The following DTWD2 variants were observed in gnomAD, a reference collection of about 807,000 sequenced individuals.
DTWD2 encodes tRNA-uridine aminocarboxypropyltransferase 2.
Under a neutral mutation model 31.8 loss-of-function variants are expected in DTWD2, and 39 were observed. The ratio of observed to expected loss-of-function variants is 1.22; its 90% CI spans 0.95 to 1.60. The LOEUF (loss-of-function observed/expected upper bound fraction) is 1.60, where lower values mean the gene tolerates loss of function less well. Among genes scored for constraint, DTWD2 ranks in the 40% most tolerant of loss-of-function variants. DTWD2 has a pLI of 0.00. For missense variants in DTWD2, 515 were observed against 381.5 expected (o/e 1.35, Z -2.92); for synonymous variants, 180 against 142.8 (o/e 1.26, Z -1.86).
chr5:118,860,615 T>A, intron 4 of DTWD2, among the ~76,000 whole-genome samples: 1 of 152,126 alleles, frequency 6.6e-6, no homozygotes. Context: ...AGTGGTAACA[T>A]TTTGCATTCC....
At position 118,848,119 on chromosome 5, in the gene DTWD2, T is replaced by C. The variant is rs765276901; in HGVS notation, c.697A>G (p.Ile233Val). 18 of 1,579,876 alleles carry C rather than the reference T, an allele frequency of 1.1e-5. No individual in the cohort carries two copies. The highest frequency in any genetic ancestry group is 1.5e-5 in the Non-Finnish European group (17 of 1,166,148). ...TGTATGTAATTATTTTTCTCCAAGA[T>C]GGAAAGAGCAACAGCTGCACACTCC... ...TLECAAVALS[I>V]LEKNNYIQET... Residue 233 changes from isoleucine (I) to valine (V), a missense_variant, in exon 5 of 6, where the codon ATC becomes GTC. Transcript: ENST00000510708.
chr5:118,916,400 T>C (rs1753577912), intron 4 of DTWD2, among the ~76,000 whole-genome samples: 1 of 152,128 alleles, frequency 6.6e-6, no homozygotes, highest in Admixed American at 6.5e-5. Flanking sequence ...GTGCAGTGGC[T>C]CATGTCTGTG....
rs1374303428 is a variant in DTWD2, at chr5:118,959,952, ATT to A, written c.219-15305_219-15304del. On this transcript the variant is annotated intron_variant, in intron 1 of 5. Coordinates refer to ENST00000510708, the MANE Select transcript of DTWD2 (RefSeq NM_173666.4). Reference sequence around the variant, plus strand: ...CATATATAAAAGTCAATCAAGATGGATTAAAAACTTCAATGTAAAACCTAAAA... The same window carrying A: ...CATATATAAAAGTCAATCAAGATGGAAAAAACTTCAATGTAAAACCTAAAA... Among the ~76,000 whole-genome samples, 40 of 152,360 alleles carry A rather than the reference ATT, an allele frequency of 2.6e-4. No individual in the cohort carries two copies. In the South Asian group the frequency reaches 4.3e-3, roughly 17 times the overall value.
At chr5:118,900,919 C>T (rs1476807191) in intron 4 of DTWD2, among the ~76,000 whole-genome samples, 8 of 144,286 alleles carry the variant, frequency 5.5e-5, no homozygotes, top group East Asian at 4.1e-4. Flanking sequence ...AGTGAGACTG[C>T]GTCTCAAAAA....
intron 4 of DTWD2, among the ~76,000 whole-genome samples, chr5:118,918,400 C>A (rs1359141740): frequency 6.7e-6 from 1 of 150,250 alleles, no homozygotes. Flanking sequence ...GATCTCGGCT[C>A]ATTGCAAGCT....
At chr5:118,987,065 G>A (rs1755444070) in intron 1 of DTWD2, among the ~76,000 whole-genome samples, 1 of 152,058 alleles carries the variant, frequency 6.6e-6, no homozygotes, top group Non-Finnish European at 1.5e-5. Context: ...ATTCTGAACA[G>A]ACTAAAAACT....
intron 4 of DTWD2, among the ~76,000 whole-genome samples, chr5:118,916,020 G>A (rs1455870747): frequency 1.3e-5 from 2 of 152,206 alleles, no homozygotes; most frequent in Non-Finnish European, 2.9e-5. Flanking sequence ...TAAGGGATTG[G>A]GGTTGAGGGA....
chr5:118,914,937 T>G (rs1384906615), intron 4 of DTWD2, among the ~76,000 whole-genome samples: 5 of 152,254 alleles, frequency 3.3e-5, no homozygotes, highest in Non-Finnish European at 5.9e-5. Context: ...AAAAATATAT[T>G]AATATAAATT....
chr5:118,872,942 T>C (rs1451014722), intron 4 of DTWD2, among the ~76,000 whole-genome samples: 1 of 150,972 alleles, frequency 6.6e-6, no homozygotes, highest in Non-Finnish European at 1.5e-5. Context: ...CGAGAGTGAA[T>C]GGAGGGAAGA....
chr5:118,868,091 G>A (rs1205383420), intron 4 of DTWD2, among the ~76,000 whole-genome samples: 1 of 152,006 alleles, frequency 6.6e-6, no homozygotes, highest in Non-Finnish European at 1.5e-5. Context: ...ACAGATTAAA[G>A]AGCCCAAAAA....
intron 4 of DTWD2, among the ~76,000 whole-genome samples, chr5:118,880,693 C>T (rs1410307910): frequency 6.6e-6 from 1 of 152,074 alleles, no homozygotes; most frequent in African/African-American, 2.4e-5. Flanking sequence ...TTATTTTTTA[C>T]ATATAAAAAT....
intron 3 of DTWD2, 101 bp from the exon 4 acceptor site, chr5:118,928,830 C>A: frequency 1.0e-6 from 1 of 960,890 alleles, no homozygotes; most frequent in South Asian, 2.5e-5. Flanking sequence ...TATATGTAGT[C>A]ATTTGTCTAA....
chr5:118,945,807 A>C lies in DTWD2; in HGVS notation c.219-1158T>G, dbSNP rs538566190. On this transcript the variant is annotated intron_variant, in intron 1 of 5. Transcript: ENST00000510708. ...GAAAGAAAGAAAGAAAGAAAGAAAG[A>C]AAGAAATTCATTAAGTGGCCAGATC... Among the ~76,000 whole-genome samples the C allele has an allele frequency of 7.0e-4, 103 of 146,468 alleles. 1 individual carries two copies. The highest frequency in any genetic ancestry group is 2.7e-3 in the African/African-American group (103 of 37,664).
intron 4 of DTWD2, among the ~76,000 whole-genome samples, chr5:118,906,352 T>A (rs1753331918): frequency 6.6e-6 from 1 of 152,114 alleles, no homozygotes; most frequent in Non-Finnish European, 1.5e-5. Flanking sequence ...TGGGTAGTTA[T>A]CCATAAAAAA....
At chr5:118,878,246 A>G (rs1350950016) in intron 4 of DTWD2, among the ~76,000 whole-genome samples, 2 of 152,228 alleles carry the variant, frequency 1.3e-5, no homozygotes, top group Admixed American at 6.5e-5. Flanking sequence ...GCATCACACT[A>G]TCTGACTCTG....
At chr5:118,963,060 C>G (rs1754740930) in intron 1 of DTWD2, among the ~76,000 whole-genome samples, 1 of 152,056 alleles carries the variant, frequency 6.6e-6, no homozygotes, top group Admixed American at 6.6e-5. Flanking sequence ...GATCCAGAAG[C>G]AAAAGATCAA....
intron 4 of DTWD2, 62 bp from the exon 5 acceptor site, chr5:118,848,280 GTTTTAAATACTA>G: frequency 8.3e-6 from 12 of 1,441,792 alleles, no homozygotes; most frequent in Non-Finnish European, 1.0e-5. Flanking sequence ...TAAAGTTTGT[GTTTTAAATACTA>G]ATTACTTTCC....
chr5:118,864,496 C>T (rs1752339829), intron 4 of DTWD2, among the ~76,000 whole-genome samples: 1 of 145,944 alleles, frequency 6.9e-6, no homozygotes, highest in African/African-American at 2.5e-5. Context: ...CTAACCTGTA[C>T]ATTGTGCACA....
chr5:118,925,440 T>A (rs940157625), intron 4 of DTWD2, among the ~76,000 whole-genome samples: 3 of 152,222 alleles, frequency 2.0e-5, no homozygotes, highest in African/African-American at 7.2e-5. Flanking sequence ...ATAGCGTGGC[T>A]AATGCTCTTT....
Sources: gnomAD v4.1 joint callset for allele counts (sites outside exome capture counted in the v4.1 genomes callset) on GRCh38, gnomAD v4.1.1 for gene constraint, MANE v1.5 for transcripts, NCBI Gene and HGNC (gene_info 2026-07-23, HGNC 2026-07-21) for gene names.